TMED3: variants seen among roughly 807,000 people sequenced by gnomAD.
TMED3 encodes the protein transmembrane p24 trafficking protein 3.
A neutral mutation model predicts 15.0 loss-of-function variants in TMED3; 9 were observed. The ratio of observed to expected loss-of-function variants is 0.60; its 90% CI spans 0.36 to 1.04. TMED3 has a LOEUF of 1.04. TMED3 is among the 50% of genes least tolerant of loss of function. The pLI is 0.01. For synonymous variants in TMED3, 117 were observed against 121.4 expected (o/e 0.96, Z 0.24); for missense variants, 267 against 278.9 (o/e 0.96, Z 0.30).
chr15:79,367,349 T>A (rs1893256077), intron 2 of TMED3, among the ~76,000 whole-genome samples: 1 of 152,214 alleles, frequency 6.6e-6, no homozygotes, highest in African/African-American at 2.4e-5. Flanking sequence ...CGATCCACAC[T>A]GGGTTTGCAG....
At chr15:79,402,525 AC>A (rs1482025289) in intron 2 of TMED3, among the ~76,000 whole-genome samples, 1 of 152,146 alleles carries the variant, frequency 6.6e-6, no homozygotes, top group Non-Finnish European at 1.5e-5. Flanking sequence ...CACACCTGTA[AC>A]CCCAACATTT....
chr15:79,348,050 A>T (rs1283595040), intron 2 of TMED3, among the ~76,000 whole-genome samples: 3 of 152,224 alleles, frequency 2.0e-5, no homozygotes, highest in African/African-American at 7.2e-5. Flanking sequence ...AATTAAGATG[A>T]TAAGAGCTCT....
At chr15:79,335,389 A>G (rs889726866) in intron 2 of TMED3, among the ~76,000 whole-genome samples, 2 of 152,214 alleles carry the variant, frequency 1.3e-5, no homozygotes, top group East Asian at 1.9e-4. Flanking sequence ...TGTGACCCCA[A>G]ACTATTTCTT....
Position 79,352,356 on chromosome 15 carries a change from T to A in TMED3, c.417+38351T>A, listed in dbSNP as rs990837256. 2.6e-5 allele frequency among the ~76,000 whole-genome samples: 4 copies of A among 152,072 alleles called. 1 individual carries two copies. Among genetic ancestry groups the A allele is most frequent in the African/African-American group, 4.8e-5 (2 of 41,386 alleles). On this transcript the variant is annotated intron_variant, in intron 2 of 2. Transcript: ENST00000424155. ...TCATGCTCTGGTCCCTGGTGAACATTCAAGCCTCTGAGCTCATGTCATGAG... is the reference window on the plus strand; with the variant it reads ...TCATGCTCTGGTCCCTGGTGAACATACAAGCCTCTGAGCTCATGTCATGAG...
At chr15:79,370,167 T>C (rs1224937591) in intron 2 of TMED3, among the ~76,000 whole-genome samples, 1 of 151,622 alleles carries the variant, frequency 6.6e-6, no homozygotes, top group Non-Finnish European at 1.5e-5. Flanking sequence ...CTCGGCTCAC[T>C]GCAACCTCCA....
At chr15:79,353,699 G>C (rs550267972) in intron 2 of TMED3, among the ~76,000 whole-genome samples, 1 of 151,368 alleles carries the variant, frequency 6.6e-6, no homozygotes, top group East Asian at 1.9e-4. Flanking sequence ...GGTAGGTTTT[G>C]TGTTGTATTT....
chr15:79,388,541 A>G (rs916103773), intron 2 of TMED3, among the ~76,000 whole-genome samples: 2 of 152,112 alleles, frequency 1.3e-5, no homozygotes, highest in African/African-American at 4.8e-5. Flanking sequence ...TGCAATTGCA[A>G]ATTGTTCTGC....
At chr15:79,376,569 C>T (rs73475508) in intron 2 of TMED3, among the ~76,000 whole-genome samples, 5,001 of 152,178 alleles carry the variant, frequency 0.033, 261 homozygotes, top group African/African-American at 0.11. Context: ...TTACCCAGAG[C>T]AGAACACACT....
At chr15:79,380,126 C>T (rs1893494878) in intron 2 of TMED3, among the ~76,000 whole-genome samples, 1 of 151,932 alleles carries the variant, frequency 6.6e-6, no homozygotes, top group Non-Finnish European at 1.5e-5. Flanking sequence ...GAGGGAGGGG[C>T]CGGATCACGA....
At chr15:79,378,136 T>G (rs1893462709) in intron 2 of TMED3, among the ~76,000 whole-genome samples, 1 of 152,244 alleles carries the variant, frequency 6.6e-6, no homozygotes, top group African/African-American at 2.4e-5. Flanking sequence ...TCTAAACAAT[T>G]TCCTATGACC....
At chr15:79,378,915 C>A (rs942507054) in intron 2 of TMED3, among the ~76,000 whole-genome samples, 4 of 152,060 alleles carry the variant, frequency 2.6e-5, no homozygotes, top group African/African-American at 9.7e-5. Flanking sequence ...TGACTCAATT[C>A]TTGGAATTCT....
intron 2 of TMED3, among the ~76,000 whole-genome samples, chr15:79,333,102 T>C (rs1332578908): frequency 6.6e-6 from 1 of 152,198 alleles, no homozygotes; most frequent in East Asian, 1.9e-4. Flanking sequence ...CTCTGTGTAT[T>C]CTAGGACATT....
At position 79,361,020 on chromosome 15, in the gene TMED3, G is replaced by GTTTTAT. The variant is rs141654628; in HGVS notation, c.417+47032_417+47037dup. On this transcript the variant is annotated intron_variant, in intron 2 of 2. Coordinates refer to the TMED3 transcript ENST00000424155. ...CACACTGCTCAGCCTGGCTAATTGT[G>GTTTTAT]TTTTATTTTTATTTTTATTTTTTGT... Among the ~76,000 whole-genome samples the GTTTTAT allele has an allele frequency of 9.6e-3, 1,454 of 152,020 alleles. 26 individuals are homozygous for GTTTTAT. Among genetic ancestry groups the GTTTTAT allele is most frequent in the African/African-American group, 0.034 (1,398 of 41,434 alleles).
intron 2 of TMED3, among the ~76,000 whole-genome samples, chr15:79,405,918 A>G (rs1468944551): frequency 6.6e-6 from 1 of 152,110 alleles, no homozygotes; most frequent in Non-Finnish European, 1.5e-5. Context: ...CTCCTTACTG[A>G]TGGGGGTTTG....
At chr15:79,398,818 C>T (rs1368784027) in intron 2 of TMED3, among the ~76,000 whole-genome samples, 1 of 152,066 alleles carries the variant, frequency 6.6e-6, no homozygotes, top group African/African-American at 2.4e-5. Flanking sequence ...TAAAATTACC[C>T]ATCACAAGCT....
At chr15:79,395,982 T>G (rs1716942956) in intron 2 of TMED3, among the ~76,000 whole-genome samples, 2 of 152,228 alleles carry the variant, frequency 1.3e-5, no homozygotes, top group Non-Finnish European at 2.9e-5. Context: ...AAATATTTTT[T>G]CTAGTGTTCC....
intron 1 of TMED3, among the ~76,000 whole-genome samples, chr15:79,312,469 TG>T (rs1321321603): frequency 6.6e-6 from 1 of 152,204 alleles, no homozygotes; most frequent in Non-Finnish European, 1.5e-5. Context: ...CTTGTCAAAG[TG>T]TGTCCAGCCT....
intron 2 of TMED3, among the ~76,000 whole-genome samples, chr15:79,404,927 C>T (rs1474231704): frequency 1.3e-5 from 2 of 152,194 alleles, no homozygotes; most frequent in African/African-American, 4.8e-5. Context: ...ATCTGTTAAT[C>T]ATAGGGACCC....
In TMED3 at chr15:79,354,623, C is replaced by CA. The variant is rs60577285; in HGVS notation, c.417+40633dup. Among the ~76,000 whole-genome samples the CA allele has an allele frequency of 7.9e-3, 959 of 120,824 alleles. 6 individuals carry two copies. Among genetic ancestry groups the CA allele is most frequent in the South Asian group, 0.013 (47 of 3,624 alleles). 79.3% of individuals were successfully genotyped at this position (120,824 alleles called of 152,430 possible). On this transcript the variant is annotated intron_variant, in intron 2 of 2. Coordinates refer to the TMED3 transcript ENST00000424155. The stretch of plus-strand genomic sequence containing the variant: ...AAAACACTCCAATGAATAGAAGAGG[C>CA]AAAAAAAAAAAAAAAGAAAAATTCA...
Sources: gnomAD v4.1 joint callset for allele counts (sites outside exome capture counted in the v4.1 genomes callset) on GRCh38, gnomAD v4.1.1 for gene constraint, MANE v1.5 for transcripts, NCBI Gene and HGNC (gene_info 2026-07-23, HGNC 2026-07-21) for gene names.